Variants in NUP98 observed in about 807,000 individuals in gnomAD.
The protein encoded by NUP98 is nucleoporin 98 and 96 precursor.
A neutral mutation model predicts 191.9 loss-of-function variants in NUP98; 26 were observed. The ratio of observed to expected loss-of-function variants is 0.14; its 90% confidence interval spans 0.10 to 0.19. NUP98 has a LOEUF of 0.19. Ranked by LOEUF, NUP98 falls within the 10% of genes least tolerant of loss-of-function variation. The pLI is 1.00. For synonymous variants in NUP98, 808 were observed against 778.4 expected, an observed-to-expected ratio of 1.04 and a Z score of -0.63; for missense variants, 1,941 against 2,178.8, an observed-to-expected ratio of 0.89 and a Z score of 2.17.
chr11:3,701,312 T>C (rs1173720987), intron 23 of NUP98, among the ~76,000 whole-genome samples: 1 of 148,826 alleles, frequency 6.7e-6, no homozygotes, highest in Non-Finnish European at 1.5e-5. Context: ...GAGGTTGGAA[T>C]GCAGTAGCGT....
At chr11:3,718,906 A>T (rs2079285623) in intron 18 of NUP98, among the ~76,000 whole-genome samples, 1 of 151,860 alleles carries the variant, frequency 6.6e-6, no homozygotes, top group Admixed American at 6.6e-5. Flanking sequence ...GATCACTTGA[A>T]ATCAGGAGCT....
At chr11:3,683,171 T>C in intron 30 of NUP98, 29 bp downstream of exon 30, 1 of 1,612,942 alleles carries the variant, frequency 6.2e-7, no homozygotes, top group Non-Finnish European at 8.5e-7. Flanking sequence ...TTTGGGGTGA[T>C]TCCAGGAGAT....
chr11:3,708,790 G>T (rs1045284279), intron 20 of NUP98, among the ~76,000 whole-genome samples: 1 of 151,888 alleles, frequency 6.6e-6, no homozygotes, highest in African/African-American at 2.4e-5. Flanking sequence ...CTACTGGGAG[G>T]TCGATGGAAA....
chr11:3,785,588 G>T (rs943372441), intron 1 of NUP98, among the ~76,000 whole-genome samples: 1 of 152,098 alleles, frequency 6.6e-6, no homozygotes, highest in African/African-American at 2.4e-5. Flanking sequence ...GCAAAACCCC[G>T]CCTCTACTAA....
chr11:3,772,030 T>C (rs2081547999), intron 6 of NUP98, 102 bp from the exon 7 acceptor site: 4 of 947,724 alleles, frequency 4.2e-6, no homozygotes, highest in South Asian at 1.8e-5. Flanking sequence ...TATGTTCACA[T>C]AGGAACCATA....
At chr11:3,681,053 C>T (rs1249342560) in intron 30 of NUP98, among the ~76,000 whole-genome samples, 2 of 151,924 alleles carry the variant, frequency 1.3e-5, no homozygotes, top group South Asian at 2.1e-4. Flanking sequence ...TCCCACCATC[C>T]GCCCCAGACA....
At chr11:3,711,101 G>T (rs542061650) in intron 20 of NUP98, among the ~76,000 whole-genome samples, 27 of 152,090 alleles carry the variant, frequency 1.8e-4, no homozygotes, top group Non-Finnish European at 1.3e-4. Context: ...CAAAAAATTA[G>T]ATGAGTGTGG....
intron 29 of NUP98, 59 bp downstream of exon 29, chr11:3,685,914 C>G: frequency 7.4e-7 from 1 of 1,342,330 alleles, no homozygotes; most frequent in Non-Finnish European, 1.1e-6. Context: ...AGACTGATTC[C>G]TTTGGAATTG....
rs1365307051 is a variant in NUP98, at chr11:3,779,635, C to T, written c.77-378G>A. ...CAGCCGGGGCAACAAGTGTGAAACG[C>T]CGTCTCAAAAAAAAAAAAAAAATTC... On this transcript the variant is annotated intron_variant, in intron 2 of 32. Coordinates refer to ENST00000324932, the MANE Select transcript of NUP98 (RefSeq NM_016320.5). 2.0e-4 allele frequency among the ~76,000 whole-genome samples: 10 copies of T among 49,762 alleles called. No homozygotes were observed. In the South Asian group the frequency reaches 9.0e-3, roughly 45 times the overall value. The allele number at this position is 49,762 out of a possible 152,430, so 32.6% of individuals were successfully genotyped here.
At chr11:3,749,974 G>T (rs1302854989) in intron 11 of NUP98, among the ~76,000 whole-genome samples, 1 of 152,170 alleles carries the variant, frequency 6.6e-6, no homozygotes, top group Non-Finnish European at 1.5e-5. Flanking sequence ...CCAATTTGAT[G>T]TATCAATCCT....
At chr11:3,678,929 C>T (rs1006133181) in intron 31 of NUP98, among the ~76,000 whole-genome samples, 1 of 152,040 alleles carries the variant, frequency 6.6e-6, no homozygotes, top group African/African-American at 2.4e-5. Context: ...CAAGACCAGC[C>T]TGGCCAATGT....
At position 3,756,674 on chromosome 11, in the gene NUP98, G is replaced by T. The variant is rs1382978431; in HGVS notation, c.1175-3266C>A. Among the ~76,000 whole-genome samples the T allele has an allele frequency of 9.2e-5, 14 of 151,842 alleles. No homozygotes were observed. The South Asian group carries it at 1.5e-3, about 16-fold the overall frequency. On this transcript the variant is annotated intron_variant, in intron 10 of 32. Coordinates refer to ENST00000324932, the MANE Select transcript of NUP98 (RefSeq NM_016320.5). ...TGACCTCAGGTGATCTGCCAGCCTCGGTCTCCCAAAGTGCTGGGATTACAG... is the reference window on the plus strand; with the variant it reads ...TGACCTCAGGTGATCTGCCAGCCTCTGTCTCCCAAAGTGCTGGGATTACAG...
intron 22 of NUP98, among the ~76,000 whole-genome samples, chr11:3,703,097 G>T (rs765623464): frequency 9.2e-5 from 14 of 151,958 alleles, no homozygotes; most frequent in Non-Finnish European, 1.8e-4. Context: ...AGATTCTAAT[G>T]ATGATGATGA....
In NUP98 at chr11:3,676,248, G is replaced by A. The variant is rs769457105; in HGVS notation, c.5314C>T (p.Arg1772Trp). Residue 1772 changes from arginine (R) to tryptophan (W), a missense_variant, in exon 33 of 33, where the codon CGG becomes TGG. By Grantham distance (101) the Arg-to-Trp change is moderately radical (BLOSUM62 -3). Transcript: ENST00000324932. ...GCATAGTCCTCAGGCATGGGAAGCC[G>A]GCCAATGTGGGGAGCCAAGAGGCGC... ...PLRLLAPHIGRLPMPEDYAMD... is the reference protein window; with the variant it reads ...PLRLLAPHIGWLPMPEDYAMD... 1.5e-5 allele frequency: 24 copies of A among 1,614,046 alleles called. No individual in the cohort carries two copies. The highest frequency in any genetic ancestry group is 5.3e-5 in the African/African-American group (4 of 74,926).
intron 10 of NUP98, among the ~76,000 whole-genome samples, chr11:3,759,828 T>A (rs2081103957): frequency 6.6e-6 from 1 of 151,994 alleles, no homozygotes; most frequent in African/African-American, 2.4e-5. Flanking sequence ...CTTTCTTCTA[T>A]TATTTTTCTT....
intron 14 of NUP98, among the ~76,000 whole-genome samples, chr11:3,727,552 G>C (rs1282654167): frequency 1.3e-5 from 2 of 152,082 alleles, no homozygotes; most frequent in Non-Finnish European, 2.9e-5. Flanking sequence ...ATAGCAACTG[G>C]GGTTGGGGGT....
intron 10 of NUP98, chr11:3,760,311 T>C: frequency 3.6e-6 from 2 of 556,118 alleles, no homozygotes. Context: ...GCAATTTACA[T>C]GCCTACTAAT....
intron 10 of NUP98, among the ~76,000 whole-genome samples, chr11:3,754,670 G>A (rs1490809944): frequency 6.6e-6 from 1 of 151,912 alleles, no homozygotes; most frequent in Non-Finnish European, 1.5e-5. Context: ...AGCCAGGCAC[G>A]GTGGCTCACA....
At chr11:3,781,282 A>G (rs2081958291) in intron 2 of NUP98, 1 of 151,964 alleles carries the variant, frequency 6.6e-6, no homozygotes, top group South Asian at 2.1e-4. Flanking sequence ...CCTGGAAAGA[A>G]AGAGATAAAA....
Sources: gnomAD v4.1 joint callset for allele counts (sites outside exome capture counted in the v4.1 genomes callset) on GRCh38, gnomAD v4.1.1 for gene constraint, MANE v1.5 for transcripts, NCBI Gene and HGNC (gene_info 2026-07-23, HGNC 2026-07-21) for gene names.